Variants in URB1 observed in about 807,000 individuals in gnomAD.
The protein encoded by URB1 is URB1 ribosome biogenesis factor, also known as nucleolar pre-ribosomal-associated protein 1.
URB1 carries 197 observed loss-of-function variants against 242.3 expected under a neutral mutation model. The observed-to-expected ratio is 0.81, with a 90% CI of 0.72 to 0.91. URB1 has a LOEUF of 0.91. Ranked by LOEUF, URB1 falls within the 40% of genes least tolerant of loss-of-function variation. The pLI, the probability that URB1 is intolerant of heterozygous loss-of-function variation, is 0.00. For synonymous variants in URB1, 1,153 were observed against 1,201.8 expected, an observed-to-expected ratio of 0.96 and a Z score of 0.84; for missense variants, 2,721 against 2,860.5, an observed-to-expected ratio of 0.95 and a Z score of 1.11.
At chr21:32,324,660 G>T in intron 31 of URB1, 58 bp from the exon 32 acceptor site, 1 of 1,327,760 alleles carries the variant, frequency 7.5e-7, no homozygotes, top group Non-Finnish European at 1.1e-6. Context: ...GCTATGGTCA[G>T]TCCTCTCTGG....
At chr21:32,329,645 GA>G (rs1401600215) in intron 30 of URB1, among the ~76,000 whole-genome samples, 2 of 152,226 alleles carry the variant, frequency 1.3e-5, no homozygotes, top group African/African-American at 4.8e-5. Flanking sequence ...ATAAGGTTAA[GA>G]AAATAGGTTC....
chr21:32,333,451 A>C (rs1299562845), intron 29 of URB1, 32 bp from the exon 30 acceptor site: 1 of 1,503,332 alleles, frequency 6.7e-7, no homozygotes, highest in Admixed American at 2.0e-5. Context: ...AAAACGTGTG[A>C]TTCAACCTCA....
In URB1 at chr21:32,311,586, G is replaced by A. The variant is rs944156607; in HGVS notation, c.*3332C>T. 41 of 1,523,360 alleles carry A rather than the reference G, an allele frequency of 2.7e-5. No individual in the cohort carries two copies. The highest frequency in any genetic ancestry group is 1.8e-4 in the Middle Eastern group (1 of 5,680). 94.4% of individuals were successfully genotyped at this position (1,523,360 alleles called of 1,614,324 possible). The stretch of plus-strand genomic sequence containing the variant: ...CTGTGTGGCCTTCCCTATGGGGTCC[G>A]GGCAGATGGCAGGTGTGGCAGGAAA... On this transcript the variant is annotated 3_prime_UTR_variant, in exon 39 of 39. Coordinates refer to ENST00000382751, the MANE Select transcript of URB1 (RefSeq NM_014825.3).
rs1171338589 is a variant in URB1, at chr21:32,338,694, G to C, written c.4510+13C>G. On this transcript the variant is annotated intron_variant, in intron 26 of 38. Coordinates refer to ENST00000382751, the MANE Select transcript of URB1 (RefSeq NM_014825.3). ...TCTGGATACGGAATGGAAGGGCTGG[G>C]GTGAGGGGTCACCTTTTACTTGGCT... The C allele has an allele frequency of 1.3e-5, 20 of 1,550,446 alleles. No homozygotes were observed. Among genetic ancestry groups the C allele is most frequent in the Admixed American group, 2.0e-5 (1 of 50,978 alleles).
intron 1 of URB1, among the ~76,000 whole-genome samples, chr21:32,391,213 GT>G (rs1455659060): frequency 6.8e-6 from 1 of 148,066 alleles, no homozygotes; most frequent in Non-Finnish European, 1.5e-5. Flanking sequence ...ACCGGGGCCT[GT>G]TGTCGGGTCG....
chr21:32,372,419 C>G (rs2123611770), intron 8 of URB1, 88 bp downstream of exon 8: 1 of 1,450,838 alleles, frequency 6.9e-7, no homozygotes, highest in East Asian at 2.5e-5. Context: ...CTAGTTCTAA[C>G]CTACTACAGT....
At chr21:32,360,974 G>T in intron 13 of URB1, 33 bp downstream of exon 13, 2 of 1,465,120 alleles carry the variant, frequency 1.4e-6, no homozygotes, top group Non-Finnish European at 1.9e-6. Context: ...GGCAGCAACA[G>T]TGGCGGCTTG....
chr21:32,337,221 C>T, intron 27 of URB1, 64 bp from the exon 28 acceptor site: 1 of 1,505,744 alleles, frequency 6.6e-7, no homozygotes, highest in East Asian at 2.5e-5. Flanking sequence ...CTGCTCCCAC[C>T]ACCTGCCCTC....
intron 14 of URB1, 143 bp from the exon 15 acceptor site, chr21:32,357,799 G>T (rs1236740750): frequency 1.8e-6 from 1 of 564,906 alleles, no homozygotes; most frequent in East Asian, 6.1e-5. Flanking sequence ...AGGCCAAAGT[G>T]GGCAGATCAC....
rs576722251 is a variant in URB1 at position 32,331,720 on chromosome 21, G to A, written c.4960+1597C>T. Among the ~76,000 whole-genome samples the A allele has an allele frequency of 2.0e-4, 31 of 152,332 alleles. 1 individual carries two copies. In the South Asian group the frequency reaches 2.1e-3, roughly 10 times the overall value. On this transcript the variant is annotated intron_variant, in intron 30 of 38. Transcript: ENST00000382751. ...CAGAAAACTGTGAGCCAAGAGCGGC[G>A]ATACTTCAGCCAAACACTTCACTGT...
intron 30 of URB1, among the ~76,000 whole-genome samples, chr21:32,330,344 A>G (rs189836276): frequency 5.5e-4 from 84 of 151,942 alleles, no homozygotes; most frequent in African/African-American, 1.9e-3. Context: ...AGCTCTGCAA[A>G]TTTTTCTACC....
chr21:32,367,357 T>C (rs1411011132), intron 9 of URB1, among the ~76,000 whole-genome samples: 1 of 151,994 alleles, frequency 6.6e-6, no homozygotes, highest in Non-Finnish European at 1.5e-5. Flanking sequence ...CTAGTAGGGG[T>C]GCTGGCCCCA....
At chr21:32,361,195 G>GAAAGAAAGAAAGAAAC in intron 12 of URB1, 72 bp from the exon 13 acceptor site, 2 of 904,016 alleles carry the variant, frequency 2.2e-6, no homozygotes, top group Non-Finnish European at 3.2e-6. Context: ...AAGAAAGAAA[G>GAAAGAAAGAAAGAAAC]AAAGAAAGAA....
In URB1 at chr21:32,314,924, A is replaced by G; in HGVS notation, c.6810T>C (p.Asp2270=). 6.4e-6 allele frequency: 10 copies of G among 1,550,574 alleles called. No homozygotes were observed. Among genetic ancestry groups the G allele is most frequent in the Middle Eastern group, 1.7e-4 (1 of 5,918 alleles). Residue 2270 remains aspartate (D), a synonymous_variant, in exon 39 of 39, where the codon GAT becomes GAC. Coordinates refer to ENST00000382751, the MANE Select transcript of URB1 (RefSeq NM_014825.3). ...LCKDAASAAS[D]A ...AGGTGCTGGCCGGCAGGAGTCAAGC[A>G]TCTGAGGCTGCGCTGGCGGCGTCCT...
chr21:32,385,195 A>T (rs2033570542), intron 2 of URB1, among the ~76,000 whole-genome samples: 1 of 152,234 alleles, frequency 6.6e-6, no homozygotes, highest in Admixed American at 6.5e-5. Context: ...CTTTGGAATC[A>T]GAAAACAATC....
rs1335962792 is a variant in URB1, at chr21:32,354,851, G to A, written c.2245+8C>T. The A allele has an allele frequency of 1.3e-6, 2 of 1,552,168 alleles. No individual in the cohort carries two copies. Among genetic ancestry groups the A allele is most frequent in the East Asian group, 2.4e-5 (1 of 40,922 alleles). On this transcript the variant is annotated splice_region_variant and intron_variant, in intron 17 of 38. Transcript: ENST00000382751. ...CCTCTGAGCAGCGCAGAACAGAATG[G>A]AACATACCGTCAATGTGGGAGATGG...
Position 32,352,792 on chromosome 21 carries a change from C to T in URB1, c.2531G>A (p.Cys844Tyr). ...LQAYDKLEPP[C>Y]LVPCCQQLSR... Reference sequence around the variant, plus strand: ...GAGCTGCTGGCAGCAAGGCACCAGGCATGGAGGCTCAAGCTTATCATATGC... The same window carrying T: ...GAGCTGCTGGCAGCAAGGCACCAGGTATGGAGGCTCAAGCTTATCATATGC... The change falls in exon 19 of 39, where the codon TGC (cysteine) becomes TAC (tyrosine). Residue 844 changes from cysteine to tyrosine, a missense_variant. Cys to Tyr is a radical substitution (Grantham distance 194). Coordinates refer to ENST00000382751, the MANE Select transcript of URB1 (RefSeq NM_014825.3). The T allele has an allele frequency of 6.4e-7, 1 of 1,551,726 alleles. No individual in the cohort carries two copies. The highest frequency in any genetic ancestry group is 8.7e-7 in the Non-Finnish European group (1 of 1,147,004).
chr21:32,350,612 A>G, intron 20 of URB1, 92 bp downstream of exon 20: 2 of 1,408,762 alleles, frequency 1.4e-6, no homozygotes, highest in Non-Finnish European at 1.9e-6. Context: ...CCAGGGAGCA[A>G]GAGTGTGCTG....
intron 6 of URB1, 116 bp downstream of exon 6, chr21:32,375,282 T>C (rs76704124): frequency 0.023 from 14,022 of 599,942 alleles, 254 homozygotes; most frequent in Middle Eastern, 0.04. Flanking sequence ...ACTCAACCAA[T>C]ACAACAATCT....
Sources: gnomAD v4.1 joint callset for allele counts (sites outside exome capture counted in the v4.1 genomes callset) on GRCh38, gnomAD v4.1.1 for gene constraint, MANE v1.5 for transcripts, NCBI Gene and HGNC (gene_info 2026-07-23, HGNC 2026-07-21) for gene names.